The following SMC1B variants were observed in gnomAD, a reference collection of about 807,000 sequenced individuals.
The protein encoded by SMC1B is structural maintenance of chromosomes protein 1B.
In SMC1B, 60 loss-of-function variants were observed where a neutral mutation model predicts 157.9. That is an observed-to-expected ratio of 0.38 (90% CI 0.31 to 0.47). SMC1B has a LOEUF of 0.47. SMC1B is among the 20% of genes least tolerant of loss of function. The probability of loss-of-function intolerance (pLI) is 0.99; values close to 1 mark genes in which losing one functional copy is unlikely to be tolerated. For missense variants in SMC1B, 1,165 were observed against 1,426.2 expected (o/e 0.82, Z 2.95); for synonymous variants, 445 against 483.0 (o/e 0.92, Z 1.03).
chr22:45,372,429 A>C (rs2086842513), intron 12 of SMC1B, 137 bp from the exon 13 acceptor site: 2 of 698,726 alleles, frequency 2.9e-6, no homozygotes, highest in Non-Finnish European at 4.5e-6. Flanking sequence ...CTCTGATAAG[A>C]GACTGGGCAA....
intron 11 of SMC1B, among the ~76,000 whole-genome samples, chr22:45,386,262 A>G (rs136589): frequency 0.12 from 17,587 of 152,026 alleles, 1,216 homozygotes; most frequent in South Asian, 0.24. Context: ...AAAAAAAACT[A>G]TGTCAGATTA....
chr22:45,382,923 C>G (rs1001645768), intron 12 of SMC1B, among the ~76,000 whole-genome samples: 1 of 152,134 alleles, frequency 6.6e-6, no homozygotes, highest in African/African-American at 2.4e-5. Context: ...CAACTGAGGT[C>G]AGGAGTTCAA....
intron 5 of SMC1B, among the ~76,000 whole-genome samples, chr22:45,401,916 C>T (rs1026531699): frequency 3.3e-5 from 5 of 151,832 alleles, no homozygotes; most frequent in African/African-American, 4.8e-5. Flanking sequence ...TGGAGTCTCA[C>T]GCTGTTGCCC....
intron 1 of SMC1B, 44 bp downstream of exon 1, chr22:45,413,415 G>C: frequency 6.7e-7 from 1 of 1,485,672 alleles, no homozygotes; most frequent in Non-Finnish European, 9.2e-7. Context: ...TGGACGCCTG[G>C]GACGGCGGAG....
At chr22:45,388,555 C>T (rs1035602249) in intron 10 of SMC1B, among the ~76,000 whole-genome samples, 10 of 152,202 alleles carry the variant, frequency 6.6e-5, no homozygotes, top group African/African-American at 2.2e-4. Context: ...CACCAGCCAG[C>T]ATTTGCTGAG....
intron 19 of SMC1B, among the ~76,000 whole-genome samples, chr22:45,356,996 G>T (rs2086676643): frequency 6.6e-6 from 1 of 152,096 alleles, no homozygotes; most frequent in African/African-American, 2.4e-5. Context: ...ACCTCCCAAA[G>T]TGCTGGGATT....
intron 19 of SMC1B, among the ~76,000 whole-genome samples, chr22:45,356,406 C>T (rs1178219558): frequency 6.6e-6 from 1 of 152,164 alleles, no homozygotes; most frequent in African/African-American, 2.4e-5. Flanking sequence ...AGCATGTAAA[C>T]CAAAGAGTAT....
At chr22:45,369,722 T>G (rs2086812273) in intron 15 of SMC1B, among the ~76,000 whole-genome samples, 1 of 151,626 alleles carries the variant, frequency 6.6e-6, no homozygotes, top group Non-Finnish European at 1.5e-5. Context: ...TTTATTGTAT[T>G]TTTAGTAGAG....
chr22:45,354,186 C>T, intron 20 of SMC1B, 54 bp from the exon 21 acceptor site: 6 of 1,355,420 alleles, frequency 4.4e-6, no homozygotes, highest in Non-Finnish European at 5.9e-6. Flanking sequence ...GGTTCTTTTA[C>T]TTAAACTGTA....
chr22:45,354,361 G>GATATGTAT (rs1555924694), intron 20 of SMC1B, among the ~76,000 whole-genome samples: 1 of 151,120 alleles, frequency 6.6e-6, no homozygotes, highest in Non-Finnish European at 1.5e-5. Flanking sequence ...GTTCTGATAG[G>GATATGTAT]GTATGTATGT....
chr22:45,359,162 C>CA (rs553388560), intron 18 of SMC1B, among the ~76,000 whole-genome samples: 206 of 152,218 alleles, frequency 1.4e-3, no homozygotes, highest in Middle Eastern at 6.8e-3. Context: ...GGTCATATAC[C>CA]AAAACTATGC....
chr22:45,360,973 CT>C (rs57185919), intron 17 of SMC1B, among the ~76,000 whole-genome samples: 120,483 of 143,100 alleles, frequency 0.84, 50,496 homozygotes, highest in Non-Finnish European at 0.86. Context: ...GTGCCAGGTA[CT>C]TTTTTTTTTT....
intron 8 of SMC1B, among the ~76,000 whole-genome samples, chr22:45,394,424 T>C (rs1232165234): frequency 2.0e-5 from 3 of 152,124 alleles, no homozygotes; most frequent in Non-Finnish European, 4.4e-5. Flanking sequence ...GTGGATTGCT[T>C]GGTCCAGGAG....
At chr22:45,378,605 ATATTTT>A (rs961755144) in intron 12 of SMC1B, among the ~76,000 whole-genome samples, 23 of 152,152 alleles carry the variant, frequency 1.5e-4, no homozygotes, top group African/African-American at 5.5e-4. Flanking sequence ...ATGTTCCACT[ATATTTT>A]TATTTTTAAT....
At chr22:45,372,434 G>A (rs2086842552) in intron 12 of SMC1B, 142 bp from the exon 13 acceptor site, 1 of 667,544 alleles carries the variant, frequency 1.5e-6, no homozygotes, top group South Asian at 2.4e-5. Flanking sequence ...ATAAGAGACT[G>A]GGCAATTAAG....
At chr22:45,413,415 G>A (rs542337305) in intron 1 of SMC1B, 44 bp downstream of exon 1, 4 of 1,485,672 alleles carry the variant, frequency 2.7e-6, no homozygotes, top group Non-Finnish European at 3.7e-6. Context: ...TGGACGCCTG[G>A]GACGGCGGAG....
intron 5 of SMC1B, 76 bp downstream of exon 5, chr22:45,402,257 C>G (rs2087204375): frequency 9.1e-6 from 9 of 988,320 alleles, no homozygotes; most frequent in Non-Finnish European, 1.4e-5. Context: ...AATCAATTTT[C>G]AAAGTGTCAC....
intron 15 of SMC1B, among the ~76,000 whole-genome samples, chr22:45,366,713 C>A (rs936430471): frequency 6.6e-6 from 1 of 152,170 alleles, no homozygotes; most frequent in Admixed American, 6.5e-5. Flanking sequence ...GCCTGGCCAA[C>A]GTGGCAAAAC....
intron 15 of SMC1B, among the ~76,000 whole-genome samples, chr22:45,366,512 AAG>A (rs2086777239): frequency 6.6e-6 from 1 of 152,244 alleles, no homozygotes; most frequent in African/African-American, 2.4e-5. Context: ...GACAAGGTTA[AAG>A]AGGGGGCATT....
Sources: allele counts gnomAD v4.1 joint callset (sites outside exome capture counted in the v4.1 genomes callset), GRCh38; gene constraint gnomAD v4.1.1; transcripts MANE v1.5; gene names NCBI Gene and HGNC (gene_info 2026-07-23, HGNC 2026-07-21).